Variants in HEPH observed in about 807,000 individuals in gnomAD.
HEPH encodes hephaestin.
HEPH carries 69 observed loss-of-function variants against 80.8 expected under a neutral mutation model. The observed-to-expected ratio is 0.85, with a 90% CI of 0.70 to 1.04. The LOEUF (loss-of-function observed/expected upper bound fraction) is 1.04. Among genes scored for constraint, HEPH ranks in the 50% least tolerant of loss-of-function variants. HEPH has a pLI of 0.00. For synonymous variants in HEPH, 431 were observed against 322.8 expected (o/e 1.34, Z -3.60); for missense variants, 1,115 against 891.3 (o/e 1.25, Z -3.20).
chrX:66,188,605 T>C (rs2087619011), intron 5 of HEPH, 64 bp downstream of exon 5: 1 of 955,785 alleles, frequency 1.0e-6, no homozygotes, highest in Admixed American at 2.6e-5. Context: ...CCACTGGGCC[T>C]AGTATTTGGT....
chrX:66,172,501 C>G lies in HEPH; in HGVS notation c.314C>G (p.Ala105Gly). The stretch of plus-strand genomic sequence containing the variant: ...GGCTTCCTGGGGCCAGTGTTGCAGG[C>G]TGAAGTGGGGGATGTCATTCTTATT... ...WLGFLGPVLQ[A>G]EVGDVILIHL... Residue 105 changes from alanine to glycine, a missense_variant, in exon 3 of 21, where the codon GCT (alanine) becomes GGT (glycine). Physicochemically the swap from Ala to Gly is moderately conservative, Grantham distance 60. Around this residue, in one of 3 missense-constraint regions of HEPH, gnomAD observed 391 missense variants for 343.6 expected, o/e 1.14. Transcript: ENST00000343002. The G allele has an allele frequency of 8.3e-7, 1 of 1,210,492 alleles. No homozygotes were observed. The highest frequency in any genetic ancestry group is 1.1e-6 in the Non-Finnish European group (1 of 894,881).
chrX:66,196,168 T>G (rs1295621705), intron 9 of HEPH, among the ~76,000 whole-genome samples: 1 of 111,471 alleles, frequency 9.0e-6, no homozygotes, highest in Non-Finnish European at 1.9e-5. Context: ...TTAGGGAATT[T>G]TCTTAGGTGG....
intron 18 of HEPH, 25 bp from the exon 19 acceptor site, chrX:66,260,075 C>T (rs2091308760): frequency 8.4e-7 from 1 of 1,191,437 alleles, no homozygotes; most frequent in African/African-American, 1.8e-5. Context: ...CACTTCCTCT[C>T]CCTCATTCCC....
At chrX:66,231,851 G>C (rs1433842004) in intron 15 of HEPH, among the ~76,000 whole-genome samples, 1 of 107,985 alleles carries the variant, frequency 9.3e-6, no homozygotes, top group Admixed American at 9.8e-5. Context: ...TCCCTGTCTT[G>C]TGCCAGTTTT....
chrX:66,250,764 G>T, intron 15 of HEPH, among the ~76,000 whole-genome samples: 2 of 111,837 alleles, frequency 1.8e-5, no homozygotes, highest in Middle Eastern at 9.3e-3. Flanking sequence ...ATTTGTTATT[G>T]CTGAGTAGTA....
intron 20 of HEPH, among the ~76,000 whole-genome samples, chrX:66,264,912 T>TAC (rs1306964373): frequency 2.8e-5 from 3 of 107,440 alleles, no homozygotes; most frequent in Non-Finnish European, 5.7e-5. Context: ...TATATTTGTA[T>TAC]ATATACATAC....
intron 15 of HEPH, among the ~76,000 whole-genome samples, chrX:66,211,620 C>T (rs2089125154): frequency 2.7e-5 from 3 of 111,541 alleles, no homozygotes; most frequent in Admixed American, 9.5e-5. Context: ...GTTTATTTTA[C>T]TTAAGATAAT....
At chrX:66,194,267 A>C (rs2087968789) in intron 8 of HEPH, among the ~76,000 whole-genome samples, 2 of 111,897 alleles carry the variant, frequency 1.8e-5, no homozygotes, top group African/African-American at 6.5e-5. Flanking sequence ...GATAATGGAC[A>C]ATAGATCTTA....
Position 66,266,801 on chromosome X carries a change from A to C in HEPH, c.*129A>C, listed in dbSNP as rs2091554851. On this transcript the variant is annotated 3_prime_UTR_variant, in exon 21 of 21. Coordinates refer to ENST00000343002, the MANE Select transcript of HEPH (RefSeq NM_001367233.3). ...AGAAGCAGAAGGAGCAATCAAGCTT[A>C]TCTGGATATTTCTTTCTTTATTTAT... 2.2e-6 allele frequency: 1 copy of C among 445,131 alleles called. No homozygotes were observed. The highest frequency in any genetic ancestry group is 3.9e-6 in the Non-Finnish European group (1 of 255,294). 36.7% of individuals were successfully genotyped at this position (445,131 alleles called of 1,213,427 possible). A position where few individuals can be genotyped will look rare whatever the true frequency, so the allele number is the denominator to read the frequency against.
At chrX:66,197,598 A>T in intron 9 of HEPH, 85 bp from the exon 10 acceptor site, 1 of 799,808 alleles carries the variant, frequency 1.3e-6, no homozygotes, top group Non-Finnish European at 1.9e-6. Context: ...ATGCCTTTGT[A>T]GTTCATAATC....
At chrX:66,186,474 G>T (rs922056488) in intron 4 of HEPH, among the ~76,000 whole-genome samples, 9 of 112,241 alleles carry the variant, frequency 8.0e-5, no homozygotes, top group African/African-American at 2.3e-4. Flanking sequence ...TTCCAGGTGC[G>T]TCCATCACCC....
chrX:66,212,695 A>C (rs1399270624), intron 15 of HEPH, among the ~76,000 whole-genome samples: 1 of 111,798 alleles, frequency 8.9e-6, no homozygotes, highest in African/African-American at 3.2e-5. Flanking sequence ...TTTTTATACC[A>C]TGCTGTTTTG....
intron 20 of HEPH, among the ~76,000 whole-genome samples, chrX:66,265,452 G>A (rs1488883320): frequency 9.0e-6 from 1 of 110,510 alleles, no homozygotes; most frequent in Non-Finnish European, 1.9e-5. Flanking sequence ...TTTACAATAT[G>A]CCTCTGTGTT....
chrX:66,194,151 G>A (rs1472931318), intron 8 of HEPH, among the ~76,000 whole-genome samples: 2 of 111,526 alleles, frequency 1.8e-5, no homozygotes, highest in African/African-American at 6.5e-5. Flanking sequence ...TGGTTTAGTA[G>A]CATGATGGAA....
chrX:66,166,943 A>G (rs2086395264), intron 1 of HEPH, among the ~76,000 whole-genome samples: 1 of 112,441 alleles, frequency 8.9e-6, no homozygotes, highest in Admixed American at 9.4e-5. Flanking sequence ...TTCATTTCCA[A>G]ACTATTTCCT....
intron 15 of HEPH, among the ~76,000 whole-genome samples, chrX:66,252,131 G>T (rs953491284): frequency 3.6e-5 from 4 of 111,643 alleles, no homozygotes; most frequent in African/African-American, 1.3e-4. Flanking sequence ...GAATTTTGAT[G>T]ATGGATATGA....
At chrX:66,198,661 C>G (rs865997333) in intron 10 of HEPH, among the ~76,000 whole-genome samples, 2 of 111,086 alleles carry the variant, frequency 1.8e-5, no homozygotes, top group African/African-American at 6.6e-5. Flanking sequence ...TACAGTCTTC[C>G]CTGTCAGGCT....
chrX:66,190,442 TGAG>T (rs764156228), intron 6 of HEPH, among the ~76,000 whole-genome samples: 16 of 111,451 alleles, frequency 1.4e-4, no homozygotes, highest in East Asian at 2.8e-4. Flanking sequence ...AGCAATGTAT[TGAG>T]GAGCATCAGA....
At chrX:66,260,303 TTATC>T (rs765507034) in intron 19 of HEPH, 41 bp downstream of exon 19, 22 of 1,085,699 alleles carry the variant, frequency 2.0e-5, no homozygotes, top group South Asian at 7.8e-5. Flanking sequence ...TTCTAACACT[TTATC>T]TAGCCTATAG....
Sources: gnomAD v4.1 joint callset for allele counts (sites outside exome capture counted in the v4.1 genomes callset) on GRCh38, gnomAD v4.1.1 for gene constraint, gnomAD v4.1.1 regional missense constraint, MANE v1.5 for transcripts, NCBI Gene and HGNC (gene_info 2026-07-23, HGNC 2026-07-21) for gene names.